Variants in RHBDD1 observed in about 807,000 individuals in gnomAD.
RHBDD1 encodes rhomboid-related protein 4.
RHBDD1 carries 38 observed loss-of-function variants against 36.3 expected under a neutral mutation model. The observed-to-expected ratio is 1.05, with a 90% confidence interval of 0.81 to 1.37. RHBDD1 has a LOEUF of 1.37. Among genes scored for constraint, RHBDD1 ranks in the 40% most tolerant of loss-of-function variants. The probability of loss-of-function intolerance (pLI) is 0.00; values close to 1 mark genes in which losing one functional copy is unlikely to be tolerated. For synonymous variants in RHBDD1, 151 were observed against 136.5 expected, an observed-to-expected ratio of 1.11 and a Z score of -0.74; for missense variants, 393 against 377.6, an observed-to-expected ratio of 1.04 and a Z score of -0.34.
intron 8 of RHBDD1, among the ~76,000 whole-genome samples, chr2:226,952,143 T>TACTA (rs1188361141): frequency 6.6e-6 from 1 of 152,146 alleles, no homozygotes; most frequent in Non-Finnish European, 1.5e-5. Context: ...CCCCAGGTGA[T>TACTA]ACTAACAGGT....
chr2:226,872,762 T>A (rs1400385989), intron 5 of RHBDD1, among the ~76,000 whole-genome samples: 3 of 152,236 alleles, frequency 2.0e-5, no homozygotes, highest in Admixed American at 6.5e-5. Context: ...TCCTCTTTAT[T>A]CATTGCCAGA....
At chr2:226,924,903 T>C (rs1949569783) in intron 8 of RHBDD1, among the ~76,000 whole-genome samples, 1 of 152,228 alleles carries the variant, frequency 6.6e-6, no homozygotes, top group Non-Finnish European at 1.5e-5. Context: ...TTCAAGACTA[T>C]CTTTCCTTCT....
rs540946458 is a variant in RHBDD1, at chr2:226,941,407, G to T, written c.856+27056G>T. ...CTGCTGGCAGGGGCAAGTCCACCTG[G>T]CCTTTGGAGGTGTAGGAGACAAGTA... is the stretch of plus-strand genomic sequence containing the variant. On this transcript the variant is annotated intron_variant, in intron 8 of 8. Coordinates refer to ENST00000392062, the MANE Select transcript of RHBDD1 (RefSeq NM_001167608.3). Among the ~76,000 whole-genome samples, 10 of 152,350 alleles carry T rather than the reference G, an allele frequency of 6.6e-5. No homozygotes were observed. The East Asian group carries it at 1.9e-3, about 29-fold the overall frequency.
intron 8 of RHBDD1, among the ~76,000 whole-genome samples, chr2:226,972,493 G>C (rs1020688225): frequency 9.9e-5 from 15 of 152,156 alleles, no homozygotes; most frequent in Admixed American, 3.9e-4. Context: ...GCCTGGGAAG[G>C]CTGCTCCACC....
intron 5 of RHBDD1, among the ~76,000 whole-genome samples, chr2:226,896,952 G>A (rs1947146801): frequency 6.6e-6 from 1 of 152,080 alleles, no homozygotes; most frequent in Admixed American, 6.6e-5. Flanking sequence ...ACAGGCACGT[G>A]CCACCATGCC....
chr2:226,864,656 G>A lies in RHBDD1; in HGVS notation c.-38G>A, dbSNP rs369158592. The A allele has an allele frequency of 6.4e-6, 10 of 1,566,784 alleles. No individual in the cohort carries two copies. Among genetic ancestry groups the A allele is most frequent in the South Asian group, 3.5e-5 (3 of 86,072 alleles). ...TACCTGAAACTGACCACCTGAGTAC[G>A]TTTTCCCATTGCTGAGCTGTTTCCC... On this transcript the variant is annotated 5_prime_UTR_variant, in exon 4 of 9. Coordinates refer to ENST00000392062, the MANE Select transcript of RHBDD1 (RefSeq NM_001167608.3).
intron 3 of RHBDD1, among the ~76,000 whole-genome samples, chr2:226,848,197 C>G (rs1313135738): frequency 1.3e-5 from 2 of 152,188 alleles, no homozygotes; most frequent in South Asian, 4.2e-4. Context: ...GTAATATTCT[C>G]TATAGTATTC....
chr2:226,940,225 C>T (rs1380366945), intron 8 of RHBDD1, among the ~76,000 whole-genome samples: 1 of 152,046 alleles, frequency 6.6e-6, no homozygotes, highest in South Asian at 2.1e-4. Context: ...CAGGCAGTAC[C>T]ATTCAGGACG....
At chr2:226,957,704 C>A (rs1951871782) in intron 8 of RHBDD1, among the ~76,000 whole-genome samples, 1 of 152,160 alleles carries the variant, frequency 6.6e-6, no homozygotes. Flanking sequence ...TCAATAACCA[C>A]AAGACAGCCC....
intron 5 of RHBDD1, among the ~76,000 whole-genome samples, chr2:226,905,203 G>T (rs1265132195): frequency 1.3e-5 from 2 of 151,026 alleles, no homozygotes; most frequent in African/African-American, 4.9e-5. Flanking sequence ...ATGTATGAAT[G>T]AGACACCATT....
chr2:226,850,045 A>C (rs1428169970), intron 3 of RHBDD1, among the ~76,000 whole-genome samples: 1 of 152,254 alleles, frequency 6.6e-6, no homozygotes, highest in African/African-American at 2.4e-5. Context: ...GCCCAGACTA[A>C]AACAGTAATG....
intron 8 of RHBDD1, among the ~76,000 whole-genome samples, chr2:226,926,968 T>G (rs1262775510): frequency 6.6e-6 from 1 of 152,174 alleles, no homozygotes; most frequent in Non-Finnish European, 1.5e-5. Context: ...TCTTTAAAAT[T>G]TATAGTGAAA....
intron 8 of RHBDD1, among the ~76,000 whole-genome samples, chr2:226,919,785 G>A (rs1949177542): frequency 6.6e-6 from 1 of 151,714 alleles, no homozygotes; most frequent in Non-Finnish European, 1.5e-5. Context: ...CTTTCTGCTC[G>A]GGATAGCTTT....
At chr2:226,947,368 C>T (rs1951056831) in intron 8 of RHBDD1, among the ~76,000 whole-genome samples, 2 of 151,962 alleles carry the variant, frequency 1.3e-5, no homozygotes, top group South Asian at 4.2e-4. Context: ...GAATCCTTTC[C>T]CCATTGCTTA....
intron 3 of RHBDD1, among the ~76,000 whole-genome samples, chr2:226,844,258 C>A (rs1047448500): frequency 4.6e-5 from 7 of 152,174 alleles, no homozygotes; most frequent in Admixed American, 2.6e-4. Context: ...TTGGAAATGG[C>A]ACCCTTGATT....
upstream of RHBDD1, chr2:226,835,955 G>T (rs956854888): frequency 6.6e-6 from 1 of 152,534 alleles, no homozygotes; most frequent in Non-Finnish European, 1.5e-5. Flanking sequence ...CATGCGCCGC[G>T]GCCGAGCCGT....
chr2:226,980,110 C>G (rs1386216055), intron 8 of RHBDD1, among the ~76,000 whole-genome samples: 2 of 152,106 alleles, frequency 1.3e-5, no homozygotes, highest in African/African-American at 4.8e-5. Context: ...CAGTCAGCAC[C>G]ACTTACCTTT....
chr2:226,883,745 T>A (rs764262954), intron 5 of RHBDD1, among the ~76,000 whole-genome samples: 12 of 152,200 alleles, frequency 7.9e-5, no homozygotes, highest in Non-Finnish European at 1.6e-4. Context: ...GAGGTTATTT[T>A]AAAATGGTAA....
chr2:226,864,469 A>T, intron 3 of RHBDD1, 135 bp from the exon 4 acceptor site: 1 of 540,710 alleles, frequency 1.8e-6, no homozygotes, highest in East Asian at 3.0e-5. Flanking sequence ...ATTACTCTTG[A>T]AGATGTCGAA....
Sources: gnomAD v4.1 joint callset for allele counts (sites outside exome capture counted in the v4.1 genomes callset) on GRCh38, gnomAD v4.1.1 for gene constraint, MANE v1.5 for transcripts, NCBI Gene and HGNC (gene_info 2026-07-23, HGNC 2026-07-21) for gene names.